Variants in CCDC112 observed in about 807,000 individuals in gnomAD.
CCDC112 encodes the protein coiled-coil domain-containing protein 112.
CCDC112 carries 40 observed loss-of-function variants against 66.3 expected under a neutral mutation model. That is an observed-to-expected ratio of 0.60 (90% CI 0.47 to 0.79). The LOEUF is 0.79. Among genes scored for constraint, CCDC112 ranks in the 30% least tolerant of loss-of-function variants. CCDC112 has a pLI of 0.00. For synonymous variants in CCDC112, 214 were observed against 197.2 expected, an observed-to-expected ratio of 1.09 and a Z score of -0.71; for missense variants, 659 against 603.8, an observed-to-expected ratio of 1.09 and a Z score of -0.96.
chr5:115,271,208 C>T lies in CCDC112; in HGVS notation c.1332+5G>A. 2 of 1,571,650 alleles carry T rather than the reference C, an allele frequency of 1.3e-6. No individual in the cohort carries two copies. Among genetic ancestry groups the T allele is most frequent in the Non-Finnish European group, 1.7e-6 (2 of 1,167,536 alleles). On this transcript the variant is annotated splice_donor_5th_base_variant and intron_variant, in intron 7 of 9. Coordinates refer to ENST00000379611, the MANE Select transcript of CCDC112 (RefSeq NM_001040440.3). ...AAAAATTATTTAGGAAATAGATTTACTCACTCTTTCTTGAAATCTGGAAAT... is the reference window on the plus strand; with the variant it reads ...AAAAATTATTTAGGAAATAGATTTATTCACTCTTTCTTGAAATCTGGAAAT...
intron 1 of CCDC112, chr5:115,296,196 A>C: frequency 7.9e-7 from 1 of 1,273,818 alleles, no homozygotes; most frequent in Non-Finnish European, 9.9e-7. Flanking sequence ...AGGAAGCGGC[A>C]GAGCCGGGTT....
chr5:115,275,888 ACT>A, intron 5 of CCDC112, 104 bp downstream of exon 5: 2 of 818,512 alleles, frequency 2.4e-6, no homozygotes, highest in Non-Finnish European at 3.9e-6. Flanking sequence ...TTTGTATAAG[ACT>A]CAAATACATA....
intron 1 of CCDC112, 117 bp downstream of exon 1, chr5:115,296,310 C>T (rs1750153875): frequency 1.5e-6 from 2 of 1,344,570 alleles, no homozygotes; most frequent in South Asian, 3.7e-5. Flanking sequence ...GTGCCAGGCC[C>T]CGAGCAGGGG....
chr5:115,289,849 A>C (rs1480674080), intron 1 of CCDC112, among the ~76,000 whole-genome samples: 1 of 152,048 alleles, frequency 6.6e-6, no homozygotes, highest in Non-Finnish European at 1.5e-5. Flanking sequence ...AAGCATGGCT[A>C]ATTTTTGTAT....
chr5:115,284,998 G>C (rs1469364796), intron 1 of CCDC112, 90 bp from the exon 2 acceptor site: 4 of 1,238,658 alleles, frequency 3.2e-6, no homozygotes, highest in Middle Eastern at 2.0e-4. Context: ...GTCAATAGTT[G>C]AGTTTCTTGA....
chr5:115,272,156 C>A (rs1749031527), intron 6 of CCDC112, among the ~76,000 whole-genome samples: 1 of 152,078 alleles, frequency 6.6e-6, no homozygotes, highest in Non-Finnish European at 1.5e-5. Context: ...CTCCTGACCT[C>A]AGGTGATCCA....
chr5:115,279,299 C>G (rs1329986406), intron 3 of CCDC112, among the ~76,000 whole-genome samples: 1 of 152,110 alleles, frequency 6.6e-6, no homozygotes, highest in African/African-American at 2.4e-5. Flanking sequence ...GGGTAATGAG[C>G]TAACATCAGA....
chr5:115,269,747 C>T lies in CCDC112; in HGVS notation c.1384G>A (p.Glu462Lys). 6.3e-7 allele frequency: 1 copy of T among 1,599,722 alleles called. No individual in the cohort carries two copies. Among genetic ancestry groups the T allele is most frequent in the South Asian group, 1.1e-5 (1 of 88,838 alleles). ...KILDRQAKED[E>K]KSQKQRRLAK... ...AGTCTTCTTTGTTTTTGTGACTTTT[C>T]ATCTTCCTTTGCCTGTCTATCTAGA... The change falls in exon 8 of 10, where the codon GAA becomes AAA. Residue 462 changes from glutamate (E) to lysine (K), a missense_variant. Physicochemically the swap from Glu to Lys is moderately conservative, Grantham distance 56. Coordinates refer to ENST00000379611, the MANE Select transcript of CCDC112 (RefSeq NM_001040440.3).
chr5:115,269,840 T>G, intron 7 of CCDC112, 42 bp from the exon 8 acceptor site: 2 of 1,234,890 alleles, frequency 1.6e-6, no homozygotes, highest in Non-Finnish European at 2.2e-6. Context: ...GCATGTGAAC[T>G]AGAATTTGTT....
At position 115,271,589 on chromosome 5, in the gene CCDC112, CT is replaced by C; in HGVS notation, c.955del (p.Arg319GlyfsTer7). On this transcript the variant is annotated frameshift_variant, in exon 7 of 10. Transcript: ENST00000379611. LOFTEE classifies it high-confidence loss of function. ...QIWKTKKQQK[R>X]EEIFKLKEKA... is the part of the protein sequence containing the mutation. ...TTCCTTTAACTTGAAAATTTCCTCC[CT>C]TTTTTGCTGCTTTTTAGTTTTCCAA... 1 of 1,545,634 alleles carries C rather than the reference CT, an allele frequency of 6.5e-7. No homozygotes were observed. The highest frequency in any genetic ancestry group is 8.7e-7 in the Non-Finnish European group (1 of 1,153,952).
intron 1 of CCDC112, among the ~76,000 whole-genome samples, chr5:115,289,618 T>A (rs1369500294): frequency 6.6e-6 from 1 of 152,242 alleles, no homozygotes; most frequent in Non-Finnish European, 1.5e-5. Context: ...CTAAATTTGT[T>A]GTAACTTTGT....
At chr5:115,276,906 T>C (rs1038909875) in intron 4 of CCDC112, 59 bp downstream of exon 4, 3 of 1,123,658 alleles carry the variant, frequency 2.7e-6, no homozygotes, top group African/African-American at 1.6e-5. Flanking sequence ...TTAGCTCCAT[T>C]AATGCCAAAC....
intron 2 of CCDC112, among the ~76,000 whole-genome samples, chr5:115,284,175 C>A (rs1163096900): frequency 6.6e-6 from 1 of 151,706 alleles, no homozygotes; most frequent in Non-Finnish European, 1.5e-5. Flanking sequence ...AGATCACACC[C>A]ACATATTCAA....
chr5:115,283,376 T>A (rs889561095), intron 2 of CCDC112, among the ~76,000 whole-genome samples: 1 of 152,132 alleles, frequency 6.6e-6, no homozygotes. Context: ...AATGAGATCA[T>A]GCATTGTCTG....
chr5:115,271,134 A>C, intron 7 of CCDC112, 79 bp downstream of exon 7: 1 of 1,353,354 alleles, frequency 7.4e-7, no homozygotes, highest in Non-Finnish European at 1.0e-6. Context: ...ACAAATACTC[A>C]ATTTTTGCTT....
At chr5:115,290,575 G>A (rs931631573) in intron 1 of CCDC112, among the ~76,000 whole-genome samples, 1 of 151,602 alleles carries the variant, frequency 6.6e-6, no homozygotes, top group Non-Finnish European at 1.5e-5. Context: ...ATCAATTTGG[G>A]GATTATTGCC....
chr5:115,283,688 T>C (rs966845564), intron 2 of CCDC112, among the ~76,000 whole-genome samples: 6 of 152,108 alleles, frequency 3.9e-5, no homozygotes, highest in African/African-American at 7.2e-5. Flanking sequence ...AAAGCTACGA[T>C]ATGGTATAGC....
intron 7 of CCDC112, among the ~76,000 whole-genome samples, chr5:115,270,610 A>C (rs1748955950): frequency 6.6e-6 from 1 of 152,200 alleles, no homozygotes; most frequent in Non-Finnish European, 1.5e-5. Flanking sequence ...CAAACACACC[A>C]CTAATGCCCT....
At chr5:115,296,088 C>T (rs1261139761) in intron 1 of CCDC112, 1 of 1,037,070 alleles carries the variant, frequency 9.6e-7, no homozygotes, top group Non-Finnish European at 1.2e-6. Flanking sequence ...GCTCCCCAGA[C>T]ATAACGTTAG....
Sources: gnomAD v4.1 joint callset for allele counts (sites outside exome capture counted in the v4.1 genomes callset) on GRCh38, gnomAD v4.1.1 for gene constraint, MANE v1.5 for transcripts, NCBI Gene and HGNC (gene_info 2026-07-23, HGNC 2026-07-21) for gene names.